Variants in CENPK observed in about 807,000 individuals in gnomAD.
CENPK encodes the protein SoxLZ/Sox6-binding protein Solt.
A neutral mutation model predicts 40.9 loss-of-function variants in CENPK; 46 were observed. The ratio of observed to expected loss-of-function variants is 1.13; its 90% CI spans 0.89 to 1.44. The LOEUF (loss-of-function observed/expected upper bound fraction) is 1.44. Among genes scored for constraint, CENPK ranks in the 40% most tolerant of loss-of-function variants. The pLI, the probability that CENPK is intolerant of heterozygous loss-of-function variation, is 0.00. For synonymous variants in CENPK, 107 were observed against 104.4 expected (o/e 1.02, Z -0.15); for missense variants, 288 against 303.5 (o/e 0.95, Z 0.38).
chr5:65,533,179 C>T (rs570862723), intron 6 of CENPK, among the ~76,000 whole-genome samples: 109 of 151,496 alleles, frequency 7.2e-4, no homozygotes, highest in African/African-American at 2.5e-3. Context: ...GTGAAACCCC[C>T]GTCTCTACTA....
chr5:65,530,050 G>A (rs929090783), intron 6 of CENPK, among the ~76,000 whole-genome samples: 12 of 151,824 alleles, frequency 7.9e-5, no homozygotes, highest in Admixed American at 2.6e-4. Flanking sequence ...TGATCCACCC[G>A]CCTCAGCCTC....
At chr5:65,501,206 G>A in the CENPK span, among the ~76,000 whole-genome samples, 2 of 103,540 alleles carry the variant, frequency 1.9e-5, no homozygotes, top group Non-Finnish European at 3.5e-5. Context: ...TTGAGACAGA[G>A]TCTCGCTCTG....
intron 2 of CENPK, among the ~76,000 whole-genome samples, chr5:65,558,069 C>T (rs1315216421): frequency 6.6e-6 from 1 of 152,150 alleles, no homozygotes; most frequent in Non-Finnish European, 1.5e-5. Context: ...GCCACAATCA[C>T]ACAACTGCAC....
At chr5:65,538,321 TA>T (rs1176257900) in intron 6 of CENPK, among the ~76,000 whole-genome samples, 2 of 152,228 alleles carry the variant, frequency 1.3e-5, no homozygotes, top group African/African-American at 4.8e-5. Flanking sequence ...TGGACATTCC[TA>T]TTTAAAACTC....
At chr5:65,507,997 A>G in the CENPK span, among the ~76,000 whole-genome samples, 1 of 152,248 alleles carries the variant, frequency 6.6e-6, no homozygotes, top group Non-Finnish European at 1.5e-5. Context: ...CAATAATACT[A>G]CAGAAACAAT....
intron 9 of CENPK, among the ~76,000 whole-genome samples, chr5:65,527,382 T>A (rs954384535): frequency 1.2e-4 from 18 of 150,976 alleles, no homozygotes; most frequent in Non-Finnish European, 8.8e-5. Flanking sequence ...AATGAAGAGA[T>A]TTCTAAGGAG....
chr5:65,551,372 G>A (rs1399716696), intron 5 of CENPK, 192 bp downstream of exon 5: 2 of 440,310 alleles, frequency 4.5e-6, no homozygotes, highest in Non-Finnish European at 8.3e-6. Flanking sequence ...ATAATCTAAT[G>A]TAAGATATGT....
chr5:65,556,961 C>G (rs1350388852), intron 2 of CENPK, among the ~76,000 whole-genome samples: 1 of 152,200 alleles, frequency 6.6e-6, no homozygotes, highest in Non-Finnish European at 1.5e-5. Context: ...AATCATCTAA[C>G]AATGCATTTC....
intron 5 of CENPK, among the ~76,000 whole-genome samples, chr5:65,543,148 G>A (rs992195539): frequency 6.6e-6 from 1 of 152,182 alleles, no homozygotes; most frequent in African/African-American, 2.4e-5. Flanking sequence ...GTTTTTAGTA[G>A]AGATGGGATT....
the CENPK span, among the ~76,000 whole-genome samples, chr5:65,510,547 G>A: frequency 6.6e-6 from 1 of 152,204 alleles, no homozygotes; most frequent in South Asian, 2.1e-4. Context: ...GGCCGAGAAG[G>A]GCAGATCACC....
the CENPK span, among the ~76,000 whole-genome samples, chr5:65,511,139 CTT>C: frequency 3.3e-5 from 5 of 152,182 alleles, no homozygotes; most frequent in Non-Finnish European, 7.3e-5. Context: ...GGCCTTAACT[CTT>C]TTAATTCTAT....
intron 6 of CENPK, among the ~76,000 whole-genome samples, chr5:65,531,580 T>C (rs906188663): frequency 2.0e-5 from 3 of 151,860 alleles, no homozygotes; most frequent in Non-Finnish European, 2.9e-5. Context: ...CTCGGCTCAC[T>C]GCAACCTCTG....
chr5:65,562,860 G>C (rs432206), intron 1 of CENPK: 89,354 of 155,322 alleles, frequency 0.58, 26,117 homozygotes, highest in Non-Finnish European at 0.63. Flanking sequence ...CATGTTTAGT[G>C]CATCTGAAAG....
the CENPK span, among the ~76,000 whole-genome samples, chr5:65,498,641 T>C: frequency 4.0e-5 from 6 of 150,628 alleles, no homozygotes; most frequent in Non-Finnish European, 5.9e-5. Flanking sequence ...TTTCTTTTTT[T>C]TTTTTTAGAG....
chr5:65,514,672 A>G (rs989733766), downstream of CENPK, among the ~76,000 whole-genome samples: 3 of 152,192 alleles, frequency 2.0e-5, no homozygotes, highest in African/African-American at 7.2e-5. Context: ...GAATGGTAGA[A>G]TTCACTAGTG....
At chr5:65,528,396 C>A (rs1315398966) in intron 9 of CENPK, 56 bp downstream of exon 9, 6 of 1,512,300 alleles carry the variant, frequency 4.0e-6, no homozygotes, top group Non-Finnish European at 5.3e-6. Flanking sequence ...CTTCTAAACC[C>A]ACCTAAAATA....
the CENPK span, among the ~76,000 whole-genome samples, chr5:65,504,710 T>C: frequency 1.3e-5 from 2 of 152,192 alleles, no homozygotes; most frequent in South Asian, 2.1e-4. Context: ...TGAAGTACGA[T>C]ATCCCTGTGA....
At chr5:65,541,020 G>A (rs1442125739) in intron 6 of CENPK, among the ~76,000 whole-genome samples, 2 of 151,812 alleles carry the variant, frequency 1.3e-5, no homozygotes, top group African/African-American at 4.8e-5. Flanking sequence ...ACAGGCTTTT[G>A]CCATATTGCC....
At chr5:65,496,338 G>C in the CENPK span, among the ~76,000 whole-genome samples, 1 of 152,084 alleles carries the variant, frequency 6.6e-6, no homozygotes, top group Non-Finnish European at 1.5e-5. Context: ...CATTGATCAC[G>C]GTGCTATTTC....
Sources: allele counts gnomAD v4.1 joint callset (sites outside exome capture counted in the v4.1 genomes callset), GRCh38; gene constraint gnomAD v4.1.1; transcripts MANE v1.5; gene names NCBI Gene and HGNC (gene_info 2026-07-23, HGNC 2026-07-21).